The following SLC4A5 variants were observed in gnomAD, a reference collection of about 807,000 sequenced individuals.
The protein encoded by SLC4A5 is electrogenic sodium bicarbonate cotransporter 4.
In SLC4A5, 96 loss-of-function variants were observed where a neutral mutation model predicts 120.4. The ratio of observed to expected loss-of-function variants is 0.80; its 90% CI spans 0.68 to 0.94. SLC4A5 has a LOEUF of 0.94. Ranked by LOEUF, SLC4A5 falls within the 40% of genes least tolerant of loss-of-function variation. The pLI is 0.00. For missense variants in SLC4A5, 1,259 were observed against 1,459.5 expected (o/e 0.86, Z 2.24); for synonymous variants, 550 against 571.1 (o/e 0.96, Z 0.53).
rs372192629 is a variant in SLC4A5, at chr2:74,285,766, G to A, written c.401+7C>T. On this transcript the variant is annotated splice_region_variant and intron_variant, in intron 8 of 30. Transcript: ENST00000394019. ...GTGCCCACCTCCCTCGTGGGGCCCC[G>A]CCTCACCTGGCTGACTCCTTCCACT... 1.4e-5 allele frequency: 22 copies of A among 1,608,278 alleles called. No homozygotes were observed. In the African/African-American group the frequency reaches 2.0e-4, roughly 15 times the overall value.
intron 4 of SLC4A5, among the ~76,000 whole-genome samples, chr2:74,328,480 C>G (rs1309439443): frequency 6.6e-6 from 1 of 152,184 alleles, no homozygotes; most frequent in Admixed American, 6.5e-5. Flanking sequence ...TTCTGAAATG[C>G]TATTTTATCT....
chr2:74,319,487 A>G (rs1673044287), intron 5 of SLC4A5: 1 of 152,120 alleles, frequency 6.6e-6, no homozygotes, highest in Non-Finnish European at 1.5e-5. Flanking sequence ...AAAGACAAAA[A>G]CAAAGATAGT....
intron 7 of SLC4A5, among the ~76,000 whole-genome samples, chr2:74,288,135 T>TTGTAAGAA (rs1461834285): frequency 6.6e-6 from 1 of 152,110 alleles, no homozygotes; most frequent in Non-Finnish European, 1.5e-5. Context: ...AGATAAAGAA[T>TTGTAAGAA]TGTAAGATTT....
intron 16 of SLC4A5, 112 bp downstream of exon 16, chr2:74,252,067 G>A: frequency 8.7e-7 from 1 of 1,146,278 alleles, no homozygotes; most frequent in South Asian, 1.4e-5. Context: ...AGAAGGCAGG[G>A]GTGACCTCGA....
At chr2:74,278,024 T>C (rs890619794) in intron 8 of SLC4A5, among the ~76,000 whole-genome samples, 2 of 152,194 alleles carry the variant, frequency 1.3e-5, no homozygotes, top group African/African-American at 4.8e-5. Context: ...TTTTTGTGTT[T>C]GAAATTTTTC....
chr2:74,223,859 T>C (rs1694747645), intron 28 of SLC4A5, among the ~76,000 whole-genome samples: 2 of 152,124 alleles, frequency 1.3e-5, no homozygotes, highest in Admixed American at 1.3e-4. Context: ...CAGAAGATGG[T>C]TTAATCACCA....
At chr2:74,242,836 T>C (rs894527381) in intron 19 of SLC4A5, among the ~76,000 whole-genome samples, 8 of 152,148 alleles carry the variant, frequency 5.3e-5, no homozygotes, top group Non-Finnish European at 1.0e-4. Flanking sequence ...GTATTTTTAG[T>C]AGAGATAAGG....
intron 7 of SLC4A5, among the ~76,000 whole-genome samples, chr2:74,292,630 C>T (rs1295751937): frequency 6.6e-6 from 1 of 152,084 alleles, no homozygotes; most frequent in African/African-American, 2.4e-5. Flanking sequence ...GGGACCGCTT[C>T]AGGAGGCACA....
intron 8 of SLC4A5, among the ~76,000 whole-genome samples, chr2:74,274,703 A>C (rs1445107366): frequency 1.3e-5 from 2 of 152,228 alleles, no homozygotes; most frequent in Non-Finnish European, 2.9e-5. Context: ...ATGCTAACCA[A>C]GATCACAAAG....
In SLC4A5 at chr2:74,255,316, G is replaced by A. The variant is rs570776362; in HGVS notation, c.1025+459C>T. Among the ~76,000 whole-genome samples the A allele has an allele frequency of 5.3e-5, 8 of 151,528 alleles. No individual in the cohort carries two copies. Among genetic ancestry groups the A allele is most frequent in the South Asian group, 4.2e-4 (2 of 4,788 alleles). ...ATTATTTTTATTTTTTTTCTGAGACGCAGTCTTGCTCTGTTGCCCAGGCTG... is the reference window on the plus strand; with the variant it reads ...ATTATTTTTATTTTTTTTCTGAGACACAGTCTTGCTCTGTTGCCCAGGCTG... On this transcript the variant is annotated intron_variant, in intron 13 of 30. Transcript: ENST00000394019. This position sits in a 1 kb window ranked among gnomAD's most constrained non-coding sequence, Gnocchi z 4.0.
intron 16 of SLC4A5, 62 bp downstream of exon 16, chr2:74,252,117 G>A (rs1180088712): frequency 1.9e-6 from 3 of 1,550,974 alleles, no homozygotes; most frequent in Admixed American, 1.7e-5. Flanking sequence ...GTCCCTAGAG[G>A]GCAGCTGAGA....
intron 6 of SLC4A5, among the ~76,000 whole-genome samples, chr2:74,304,913 G>A (rs1672594650): frequency 6.6e-6 from 1 of 152,174 alleles, no homozygotes; most frequent in Non-Finnish European, 1.5e-5. Flanking sequence ...CTGTTAGAAT[G>A]AGCAGAACTC....
chr2:74,263,632 C>A (rs892108242), intron 10 of SLC4A5, among the ~76,000 whole-genome samples: 2 of 152,190 alleles, frequency 1.3e-5, no homozygotes, highest in Non-Finnish European at 2.9e-5. Flanking sequence ...CAAGCCCTGG[C>A]ACTCTTGAGA....
At chr2:74,261,633 C>T (rs1311478794) in intron 11 of SLC4A5, among the ~76,000 whole-genome samples, 1 of 152,188 alleles carries the variant, frequency 6.6e-6, no homozygotes, top group Non-Finnish European at 1.5e-5. Flanking sequence ...TGTCACCTCT[C>T]ACCTCAAACC....
chr2:74,263,304 G>A (rs1353568522), intron 10 of SLC4A5, among the ~76,000 whole-genome samples: 5 of 152,134 alleles, frequency 3.3e-5, no homozygotes, highest in African/African-American at 9.7e-5. Flanking sequence ...CAGGCTGGTC[G>A]CAAACTCCTG....
intron 5 of SLC4A5, among the ~76,000 whole-genome samples, chr2:74,326,163 C>A (rs1673212216): frequency 6.6e-6 from 1 of 152,248 alleles, no homozygotes; most frequent in African/African-American, 2.4e-5. Flanking sequence ...ATTTTAAAAA[C>A]CCTCTTTTCT....
chr2:74,340,308 C>T (rs1558921570), intron 2 of SLC4A5, among the ~76,000 whole-genome samples: 1 of 152,156 alleles, frequency 6.6e-6, no homozygotes, highest in Non-Finnish European at 1.5e-5. Flanking sequence ...GTTGTATGAG[C>T]AACAACAAAA....
chr2:74,320,423 C>G (rs1673067231), intron 5 of SLC4A5, among the ~76,000 whole-genome samples: 1 of 151,992 alleles, frequency 6.6e-6, no homozygotes, highest in Non-Finnish European at 1.5e-5. Flanking sequence ...AGTCATCTAC[C>G]AAGAATCTGA....
chr2:74,288,779 C>T (rs549342490), intron 7 of SLC4A5, among the ~76,000 whole-genome samples: 8 of 152,290 alleles, frequency 5.3e-5, no homozygotes, highest in East Asian at 1.9e-4. Flanking sequence ...TTTGGAAGCT[C>T]GGCAGCCTTC....
Sources: gnomAD v4.1 joint callset for allele counts (sites outside exome capture counted in the v4.1 genomes callset) on GRCh38, gnomAD v4.1.1 for gene constraint, Gnocchi (gnomAD v3.1) non-coding constraint, MANE v1.5 for transcripts, NCBI Gene and HGNC (gene_info 2026-07-23, HGNC 2026-07-21) for gene names.